The following CPNE5 variants were observed in gnomAD, a reference collection of about 807,000 sequenced individuals.
CPNE5 encodes copine 5.
CPNE5 carries 42 observed loss-of-function variants against 81.1 expected under a neutral mutation model. The observed-to-expected ratio is 0.52, with a 90% CI of 0.40 to 0.67. The LOEUF (loss-of-function observed/expected upper bound fraction) is 0.67, where lower values mean the gene tolerates loss of function less well. Among genes scored for constraint, CPNE5 ranks in the 30% least tolerant of loss-of-function variants. The pLI, the probability that CPNE5 is intolerant of heterozygous loss-of-function variation, is 0.00. For missense variants in CPNE5, 612 were observed against 815.5 expected, an observed-to-expected ratio of 0.75 and a Z score of 3.04; for synonymous variants, 313 against 321.5, an observed-to-expected ratio of 0.97 and a Z score of 0.28.
At chr6:36,817,910 A>G (rs1383716875) in intron 3 of CPNE5, among the ~76,000 whole-genome samples, 1 of 152,000 alleles carries the variant, frequency 6.6e-6, no homozygotes, top group Non-Finnish European at 1.5e-5. Context: ...GCTCCCTCCT[A>G]TTGCTACCCT....
chr6:36,792,141 G>A, intron 7 of CPNE5, 45 bp from the exon 8 acceptor site: 1 of 1,583,948 alleles, frequency 6.3e-7, no homozygotes, highest in South Asian at 1.1e-5. Flanking sequence ...GACAAAGACA[G>A]AGCCATAAAC....
intron 6 of CPNE5, among the ~76,000 whole-genome samples, chr6:36,795,171 A>AT (rs1193622631): frequency 1.3e-5 from 2 of 152,040 alleles, no homozygotes; most frequent in African/African-American, 4.8e-5. Flanking sequence ...AGTCTTTTTT[A>AT]TTTTTTTATT....
chr6:36,742,559 G>A, intron 20 of CPNE5, 73 bp from the exon 21 acceptor site: 1 of 1,553,130 alleles, frequency 6.4e-7, no homozygotes. Context: ...CAGGCCTGGG[G>A]TTGCATCCCC....
At chr6:36,785,247 G>A (rs1353598092) in intron 8 of CPNE5, among the ~76,000 whole-genome samples, 1 of 152,106 alleles carries the variant, frequency 6.6e-6, no homozygotes, top group African/African-American at 2.4e-5. Context: ...GAAGGTTGGA[G>A]GTCAGGGGGA....
chr6:36,812,323 C>T (rs1231476872), intron 3 of CPNE5, among the ~76,000 whole-genome samples: 1 of 152,098 alleles, frequency 6.6e-6, no homozygotes, highest in Non-Finnish European at 1.5e-5. Flanking sequence ...GGAGACTGTA[C>T]AGGGTAGAAG....
intron 3 of CPNE5, among the ~76,000 whole-genome samples, chr6:36,802,135 C>A (rs1352770872): frequency 7.0e-6 from 1 of 142,682 alleles, no homozygotes; most frequent in African/African-American, 2.6e-5. Flanking sequence ...AGGAGAATCG[C>A]TTGAACCCAG....
Position 36,839,413 on chromosome 6 carries a change from C to A in CPNE5, c.-36G>T. On this transcript the variant is annotated 5_prime_UTR_variant, in exon 1 of 21. Coordinates refer to ENST00000244751, the MANE Select transcript of CPNE5 (RefSeq NM_020939.2). The surrounding 1 kb of genome is among the most constrained non-coding windows in gnomAD (Gnocchi z 7.3). ...ACCCCCCACCCCAAATTAGTCAATCCCTGCGCGATTCACGCCTCCTCCGGA... is the reference window on the plus strand; with the variant it reads ...ACCCCCCACCCCAAATTAGTCAATCACTGCGCGATTCACGCCTCCTCCGGA... 6.6e-7 allele frequency: 1 copy of A among 1,507,276 alleles called. No individual in the cohort carries two copies. Among genetic ancestry groups the A allele is most frequent in the Non-Finnish European group, 9.0e-7 (1 of 1,114,976 alleles). The allele number at this position is 1,507,276 out of a possible 1,614,324, so 93.4% of individuals were successfully genotyped here.
intron 10 of CPNE5, among the ~76,000 whole-genome samples, chr6:36,769,997 C>T (rs1399291026): frequency 3.3e-5 from 5 of 152,230 alleles, no homozygotes; most frequent in African/African-American, 4.8e-5. Flanking sequence ...AGCAGCCTGA[C>T]CCAGACAACT....
At chr6:36,777,642 A>G (rs751234456) in intron 9 of CPNE5, among the ~76,000 whole-genome samples, 24 of 152,146 alleles carry the variant, frequency 1.6e-4, no homozygotes, top group Non-Finnish European at 3.2e-4. Flanking sequence ...TCCTTTTGTC[A>G]TGCAAATGAT....
intron 8 of CPNE5, among the ~76,000 whole-genome samples, chr6:36,787,149 C>T (rs1038161299): frequency 6.6e-6 from 1 of 152,224 alleles, no homozygotes; most frequent in African/African-American, 2.4e-5. Flanking sequence ...CCACCTCCCC[C>T]ACTTACTTTG....
intron 3 of CPNE5, among the ~76,000 whole-genome samples, chr6:36,820,636 A>G (rs1561819308): frequency 6.6e-6 from 1 of 152,082 alleles, no homozygotes; most frequent in Non-Finnish European, 1.5e-5. Flanking sequence ...GAGCTGACAC[A>G]TGACAAACAA....
In CPNE5 at chr6:36,753,160, G is replaced by T. The variant is rs1001865805; in HGVS notation, c.910-65C>A. The stretch of plus-strand genomic sequence containing the variant: ...GGTCAGGGGAGATGGGTTATGATTC[G>T]AGAGCTGACATTGACAGAACACTCG... On this transcript the variant is annotated intron_variant, in intron 13 of 20. Coordinates refer to ENST00000244751, the MANE Select transcript of CPNE5 (RefSeq NM_020939.2). 7 of 1,333,230 alleles carry T rather than the reference G, an allele frequency of 5.3e-6. No homozygotes were observed. In the East Asian group the frequency reaches 1.4e-4, roughly 27 times the overall value. The allele number at this position is 1,333,230 out of a possible 1,614,324, so 82.6% of individuals were successfully genotyped here.
Position 36,741,834 on chromosome 6 carries a change from C to T in CPNE5, c.*434G>A, listed in dbSNP as rs1763607334. On this transcript the variant is annotated 3_prime_UTR_variant, in exon 21 of 21. Coordinates refer to ENST00000244751, the MANE Select transcript of CPNE5 (RefSeq NM_020939.2). ...TGGAAATCGGGCACAGGATAGACCA[C>T]AGGGCGGGGCTCAGGGACAGGAGTA... is the stretch of plus-strand genomic sequence containing the variant. 1 of 169,546 alleles carries T rather than the reference C, an allele frequency of 5.9e-6. No individual in the cohort carries two copies. The highest frequency in any genetic ancestry group is 1.3e-5 in the Non-Finnish European group (1 of 79,712). The allele number at this position is 169,546 out of a possible 1,614,324, so 10.5% of individuals were successfully genotyped here.
At position 36,743,697 on chromosome 6, in the gene CPNE5, T is replaced by A; in HGVS notation, c.1555A>T (p.Ile519Phe). ...SSRGKLAERDIVQFVPFRDYV... is the reference protein window; with the variant it reads ...SSRGKLAERDFVQFVPFRDYV... Reference sequence around the variant, plus strand: ...CAAGGCCTGGGCTTCACCTGGACGATGTCGCGTTCAGCCAGCTTCCCCCGG... The same window carrying A: ...CAAGGCCTGGGCTTCACCTGGACGAAGTCGCGTTCAGCCAGCTTCCCCCGG... Residue 519 changes from isoleucine (I) to phenylalanine (F), a missense_variant, in exon 20 of 21, where the codon ATC (isoleucine) becomes TTC (phenylalanine). Physicochemically the swap from Ile to Phe is conservative, Grantham distance 21. Transcript: ENST00000244751. 1 of 1,613,538 alleles carries A rather than the reference T, an allele frequency of 6.2e-7. No homozygotes were observed. The highest frequency in any genetic ancestry group is 8.5e-7 in the Non-Finnish European group (1 of 1,179,934).
chr6:36,837,851 C>T (rs555931234), intron 1 of CPNE5, among the ~76,000 whole-genome samples: 2 of 151,918 alleles, frequency 1.3e-5, no homozygotes, highest in Admixed American at 6.6e-5. Flanking sequence ...CAGGGATGTG[C>T]GTGCAGGAGA....
chr6:36,754,001 T>C (rs1765123890), intron 13 of CPNE5, among the ~76,000 whole-genome samples: 1 of 152,160 alleles, frequency 6.6e-6, no homozygotes, highest in Non-Finnish European at 1.5e-5. Flanking sequence ...TACTTGGCAG[T>C]AAGACCCCCA....
intron 8 of CPNE5, among the ~76,000 whole-genome samples, chr6:36,780,995 C>A (rs1767992163): frequency 6.6e-6 from 1 of 152,172 alleles, no homozygotes; most frequent in African/African-American, 2.4e-5. Context: ...CCACTCTGCC[C>A]CCCTGAGAGA....
chr6:36,756,321 G>A (rs1765458128), intron 12 of CPNE5, 23 bp from the exon 13 acceptor site: 4 of 1,610,528 alleles, frequency 2.5e-6, no homozygotes, highest in Non-Finnish European at 3.4e-6. Context: ...CCAGTTACCA[G>A]GTAAGGCATG....
chr6:36,829,468 G>T (rs1056163132), intron 1 of CPNE5, among the ~76,000 whole-genome samples: 1 of 152,112 alleles, frequency 6.6e-6, no homozygotes, highest in African/African-American at 2.4e-5. Flanking sequence ...CTGCACTCCA[G>T]CCTGGGTGAC....
Sources: allele counts gnomAD v4.1 joint callset (sites outside exome capture counted in the v4.1 genomes callset), GRCh38; gene constraint gnomAD v4.1.1; non-coding constraint Gnocchi (gnomAD v3.1); transcripts MANE v1.5; gene names NCBI Gene and HGNC (gene_info 2026-07-23, HGNC 2026-07-21).